Variants in SCN3A observed in about 807,000 individuals in gnomAD.
The protein encoded by SCN3A is sodium channel protein type 3 subunit alpha.
A neutral mutation model predicts 187.6 loss-of-function variants in SCN3A; 60 were observed. That is an observed-to-expected ratio of 0.32 (90% CI 0.26 to 0.40). The LOEUF is 0.40. SCN3A is among the 10% of genes least tolerant of loss of function. The pLI is 1.00. For synonymous variants in SCN3A, 788 were observed against 829.2 expected (o/e 0.95, Z 0.85); for missense variants, 1,601 against 2,428.2 (o/e 0.66, Z 7.16).
intron 21 of SCN3A, among the ~76,000 whole-genome samples, chr2:165,106,375 T>C (rs2051434903): frequency 6.6e-6 from 1 of 152,234 alleles, no homozygotes; most frequent in African/African-American, 2.4e-5. Context: ...TCTTTGTTAA[T>C]AGATGCATCA....
chr2:165,112,825 T>C, intron 21 of SCN3A, 60 bp downstream of exon 21: 1 of 1,425,858 alleles, frequency 7.0e-7, no homozygotes. Context: ...CAGAAACATA[T>C]GAAATGTCAA....
chr2:165,121,928 T>C (rs1412503687), intron 18 of SCN3A, among the ~76,000 whole-genome samples: 1 of 152,190 alleles, frequency 6.6e-6, no homozygotes, highest in Non-Finnish European at 1.5e-5. Flanking sequence ...AGTCTCTTTT[T>C]TGCCTGGTCA....
At chr2:165,167,109 C>T (rs1477213760) in intron 5 of SCN3A, among the ~76,000 whole-genome samples, 4 of 152,108 alleles carry the variant, frequency 2.6e-5, no homozygotes, top group African/African-American at 9.7e-5. Context: ...CCATGTTGGC[C>T]AGGCTGGTCA....
intron 18 of SCN3A, among the ~76,000 whole-genome samples, chr2:165,123,976 T>G (rs1686842282): frequency 6.6e-6 from 1 of 152,146 alleles, no homozygotes; most frequent in Non-Finnish European, 1.5e-5. Context: ...ATTGTTGAAT[T>G]TAATATTACT....
intron 9 of SCN3A, among the ~76,000 whole-genome samples, chr2:165,161,347 G>A (rs1689385795): frequency 6.6e-6 from 1 of 151,668 alleles, no homozygotes; most frequent in Admixed American, 6.6e-5. Flanking sequence ...AGAGAGCTTA[G>A]GACACTTTTC....
intron 11 of SCN3A, among the ~76,000 whole-genome samples, chr2:165,150,402 A>C (rs1688624594): frequency 6.6e-6 from 1 of 152,146 alleles, no homozygotes; most frequent in African/African-American, 2.4e-5. Flanking sequence ...CTTTGCCTCC[A>C]CTTCCTCCTG....
rs1293040422 is a variant in SCN3A, at chr2:165,155,908, A to G, written c.1032-5T>C. The G allele has an allele frequency of 1.7e-5, 27 of 1,613,936 alleles. No homozygotes were observed. Among genetic ancestry groups the G allele is most frequent in the East Asian group, 2.2e-5 (1 of 44,882 alleles). ...ATGTATCCTTCTGGACACTGGCTAT[A>G]AGAGAGAGAAATGGAGGTAGGGTCA... On this transcript the variant is annotated splice_region_variant and splice_polypyrimidine_tract_variant and intron_variant, in intron 9 of 27. Transcript: ENST00000283254.
At chr2:165,108,118 A>G (rs2105690595) in intron 21 of SCN3A, among the ~76,000 whole-genome samples, 1 of 152,324 alleles carries the variant, frequency 6.6e-6, no homozygotes, top group East Asian at 1.9e-4. Flanking sequence ...CACAGTGTGC[A>G]TTAAATCAGG....
intron 15 of SCN3A, among the ~76,000 whole-genome samples, chr2:165,132,065 A>G (rs557918538): frequency 1.3e-5 from 2 of 152,154 alleles, no homozygotes; most frequent in South Asian, 4.1e-4. Context: ...TAGGAGTCCA[A>G]CTTACAAGGG....
chr2:165,114,510 C>T lies in SCN3A; in HGVS notation c.3515-540G>A, dbSNP rs539616658. Reference sequence around the variant, plus strand: ...AGTATCTCTTTCCCTTTGTCCTCCCCCTCCTAGCTTTCGCATTATTTCTAA... The same window carrying T: ...AGTATCTCTTTCCCTTTGTCCTCCCTCTCCTAGCTTTCGCATTATTTCTAA... On this transcript the variant is annotated intron_variant, in intron 19 of 27. Coordinates refer to ENST00000283254, the MANE Select transcript of SCN3A (RefSeq NM_006922.4). Among the ~76,000 whole-genome samples the T allele has an allele frequency of 1.3e-3, 196 of 152,278 alleles. 1 individual carries two copies. The highest frequency in any genetic ancestry group is 3.3e-3 in the Admixed American group (51 of 15,288).
At chr2:165,138,747 T>A (rs1005183870) in intron 14 of SCN3A, among the ~76,000 whole-genome samples, 1 of 152,220 alleles carries the variant, frequency 6.6e-6, no homozygotes, top group African/African-American at 2.4e-5. Context: ...TATGTGACTG[T>A]ATATCTAATA....
At chr2:165,200,694 G>A (rs553632068) in intron 1 of SCN3A, among the ~76,000 whole-genome samples, 4 of 152,086 alleles carry the variant, frequency 2.6e-5, no homozygotes, top group South Asian at 4.2e-4. Context: ...AGCTGACAGC[G>A]CAGTTACTTG....
At chr2:165,155,513 C>T (rs1166576186) in intron 10 of SCN3A, among the ~76,000 whole-genome samples, 1 of 152,078 alleles carries the variant, frequency 6.6e-6, no homozygotes, top group Non-Finnish European at 1.5e-5. Flanking sequence ...GATCCTCCCA[C>T]CTCAGACTCC....
At chr2:165,119,958 G>T (rs986890662) in intron 18 of SCN3A, among the ~76,000 whole-genome samples, 3 of 152,100 alleles carry the variant, frequency 2.0e-5, no homozygotes, top group Admixed American at 1.3e-4. Context: ...GTTCAAACTT[G>T]TTTTCTTGTA....
intron 15 of SCN3A, among the ~76,000 whole-genome samples, chr2:165,135,304 A>T (rs967898842): frequency 6.6e-5 from 10 of 152,112 alleles, no homozygotes; most frequent in African/African-American, 2.4e-4. Flanking sequence ...CTTGATACTC[A>T]AATTTGATTA....
At chr2:165,144,112 A>T (rs866653733) in intron 12 of SCN3A, among the ~76,000 whole-genome samples, 16 of 152,286 alleles carry the variant, frequency 1.1e-4, no homozygotes, top group Middle Eastern at 3.4e-3. Context: ...TTCAGAAGAT[A>T]CATTTGATTT....
In SCN3A at chr2:165,153,106, CAAAT is replaced by C. The variant is rs377106485; in HGVS notation, c.1380+1342_1380+1345del. Reference sequence around the variant, plus strand: ...GAGTGTGGTACTGGTATAAAAATGACAAATAAACTAAACAGAATAGAGTTCAGAA... The same window carrying C: ...GAGTGTGGTACTGGTATAAAAATGACAAACTAAACAGAATAGAGTTCAGAA... On this transcript the variant is annotated intron_variant, in intron 11 of 27. Coordinates refer to ENST00000283254, the MANE Select transcript of SCN3A (RefSeq NM_006922.4). Among the ~76,000 whole-genome samples, 581 of 150,638 alleles carry C rather than the reference CAAAT, an allele frequency of 3.9e-3. 3 individuals carry two copies. The highest frequency in any genetic ancestry group is 0.013 in the African/African-American group (552 of 41,134).
intron 11 of SCN3A, among the ~76,000 whole-genome samples, chr2:165,153,882 T>G (rs1311685686): frequency 6.6e-6 from 1 of 151,736 alleles, no homozygotes; most frequent in African/African-American, 2.4e-5. Context: ...TAATGTCCCA[T>G]TCACTATACC....
chr2:165,142,978 C>T (rs1268965838), intron 12 of SCN3A, among the ~76,000 whole-genome samples: 1 of 152,106 alleles, frequency 6.6e-6, no homozygotes, highest in African/African-American at 2.4e-5. Context: ...CCTCGAACTC[C>T]CAACCTCAGG....
Sources: gnomAD v4.1 joint callset for allele counts (sites outside exome capture counted in the v4.1 genomes callset) on GRCh38, gnomAD v4.1.1 for gene constraint, MANE v1.5 for transcripts, NCBI Gene and HGNC (gene_info 2026-07-23, HGNC 2026-07-21) for gene names.